The following MSRA variants were observed in gnomAD, a reference collection of about 807,000 sequenced individuals.
The protein encoded by MSRA is methionine sulfoxide reductase A.
MSRA carries 54 observed loss-of-function variants against 31.3 expected under a neutral mutation model. The observed-to-expected ratio is 1.73, with a 90% CI of 1.39 to 2.17. MSRA has a LOEUF of 2.17. Ranked by LOEUF, MSRA falls within the 30% of genes most tolerant of loss-of-function variation. The probability of loss-of-function intolerance (pLI) is 0.00; values close to 1 mark genes in which losing one functional copy is unlikely to be tolerated. For missense variants in MSRA, 507 were observed against 300.9 expected (o/e 1.69, Z -5.07); for synonymous variants, 169 against 116.5 (o/e 1.45, Z -2.90).
chr8:10,059,104 TATCTC>T (rs1336371709), intron 1 of MSRA: 1 of 152,160 alleles, frequency 6.6e-6, no homozygotes, highest in African/African-American at 2.4e-5. Flanking sequence ...ATAAAGGTGG[TATCTC>T]AAGTCAGTGG....
chr8:10,121,007 G>A (rs1182548313), intron 1 of MSRA, among the ~76,000 whole-genome samples: 2 of 152,092 alleles, frequency 1.3e-5, no homozygotes, highest in African/African-American at 2.4e-5. Flanking sequence ...AAAAGCTTTC[G>A]TTTGCGTTAA....
chr8:10,202,825 A>G (rs1808620278), intron 1 of MSRA, among the ~76,000 whole-genome samples: 1 of 152,226 alleles, frequency 6.6e-6, no homozygotes. Context: ...GTAAGTACAA[A>G]TGAGGAAACT....
chr8:10,333,815 C>T (rs372314081), intron 5 of MSRA, among the ~76,000 whole-genome samples: 4 of 152,098 alleles, frequency 2.6e-5, no homozygotes, highest in African/African-American at 7.2e-5. Flanking sequence ...CCCCACCCCC[C>T]CCACGCTGAG....
chr8:10,149,144 G>C (rs983303341), intron 1 of MSRA, among the ~76,000 whole-genome samples: 1 of 144,294 alleles, frequency 6.9e-6, no homozygotes, highest in African/African-American at 2.6e-5. Context: ...TTTTTTATTC[G>C]TAGTTTTGCT....
chr8:10,080,887 A>G (rs1798259547), intron 1 of MSRA, among the ~76,000 whole-genome samples: 1 of 152,132 alleles, frequency 6.6e-6, no homozygotes, highest in African/African-American at 2.4e-5. Context: ...TTTTCTTGCT[A>G]AAGACTAGTG....
intron 1 of MSRA, among the ~76,000 whole-genome samples, chr8:10,127,787 G>C: frequency 6.6e-6 from 1 of 152,294 alleles, no homozygotes; most frequent in South Asian, 2.1e-4. Context: ...GTTTGAATGA[G>C]TGCAAGTAAA....
chr8:10,226,380 G>T (rs879478695), intron 2 of MSRA, among the ~76,000 whole-genome samples: 10 of 152,170 alleles, frequency 6.6e-5, no homozygotes, highest in Non-Finnish European at 1.2e-4. Context: ...TCCCCTTGTG[G>T]CTGCAGATTG....
intron 2 of MSRA, among the ~76,000 whole-genome samples, chr8:10,208,550 T>G (rs887246843): frequency 1.2e-4 from 18 of 152,142 alleles, no homozygotes; most frequent in African/African-American, 4.3e-4. Context: ...CATGGCCCTT[T>G]CTTTGCCTGC....
Position 10,313,302 on chromosome 8 carries a change from C to T in MSRA, c.437-6581C>T, listed in dbSNP as rs181464239. Among the ~76,000 whole-genome samples, 27 of 152,272 alleles carry T rather than the reference C, an allele frequency of 1.8e-4. No homozygotes were observed. In the East Asian group the frequency reaches 5.0e-3, roughly 28 times the overall value. On this transcript the variant is annotated intron_variant, in intron 4 of 5. Coordinates refer to ENST00000317173, the MANE Select transcript of MSRA (RefSeq NM_012331.5). ...TGAAGGTGGTGAAGCTTCTGTCAGC[C>T]TAGGCCCCTGAAGAGTTCATGAAGT...
chr8:10,405,114 G>T (rs184267625), intron 5 of MSRA, among the ~76,000 whole-genome samples: 1 of 152,320 alleles, frequency 6.6e-6, no homozygotes, highest in East Asian at 1.9e-4. Context: ...GAGCCCAAGT[G>T]CACCGGAAGC....
At chr8:10,280,351 G>C (rs1799554537) in intron 3 of MSRA, among the ~76,000 whole-genome samples, 1 of 114,106 alleles carries the variant, frequency 8.8e-6, no homozygotes, top group Non-Finnish European at 1.8e-5. Flanking sequence ...TTTACTTTTT[G>C]CTCCTTTCTA....
chr8:10,330,292 C>G (rs1758404491), intron 5 of MSRA, among the ~76,000 whole-genome samples: 1 of 151,686 alleles, frequency 6.6e-6, no homozygotes, highest in Non-Finnish European at 1.5e-5. Context: ...GTTTTATGAT[C>G]CAGAAAATAG....
intron 5 of MSRA, among the ~76,000 whole-genome samples, chr8:10,416,114 C>T (rs1156978072): frequency 1.3e-5 from 2 of 152,156 alleles, no homozygotes; most frequent in Non-Finnish European, 2.9e-5. Context: ...TGGCACGGCA[C>T]CTGCTCACGC....
intron 1 of MSRA, among the ~76,000 whole-genome samples, chr8:10,064,959 G>A (rs993399287): frequency 6.6e-6 from 1 of 152,142 alleles, no homozygotes; most frequent in East Asian, 1.9e-4. Context: ...ACTGTTGTTA[G>A]CAGTTGAAAA....
intron 5 of MSRA, among the ~76,000 whole-genome samples, chr8:10,345,570 G>A (rs1167237515): frequency 1.3e-5 from 2 of 152,156 alleles, no homozygotes. Context: ...CTTCAAAGTG[G>A]TAGAGGACTA....
chr8:10,300,050 A>G (rs1302511177), intron 3 of MSRA, among the ~76,000 whole-genome samples: 1 of 152,146 alleles, frequency 6.6e-6, no homozygotes, highest in Non-Finnish European at 1.5e-5. Context: ...TAAAAGTTTT[A>G]GTGACATGGG....
intron 1 of MSRA, among the ~76,000 whole-genome samples, chr8:10,076,706 G>C (rs1382160325): frequency 6.6e-6 from 1 of 152,098 alleles, no homozygotes; most frequent in African/African-American, 2.4e-5. Context: ...ACCCACAGTG[G>C]TGGCTGGCTC....
At chr8:10,395,651 A>G (rs1480482062) in intron 5 of MSRA, among the ~76,000 whole-genome samples, 1 of 151,646 alleles carries the variant, frequency 6.6e-6, no homozygotes, top group Non-Finnish European at 1.5e-5. Flanking sequence ...TTTTGTCATC[A>G]CTCCTCTGTT....
At chr8:10,339,103 G>C (rs1701710195) in intron 5 of MSRA, among the ~76,000 whole-genome samples, 2 of 152,116 alleles carry the variant, frequency 1.3e-5, no homozygotes, top group Admixed American at 1.3e-4. Context: ...GAGATAAGTT[G>C]ACAGTGGCTG....
Sources: gnomAD v4.1 joint callset for allele counts (sites outside exome capture counted in the v4.1 genomes callset) on GRCh38, gnomAD v4.1.1 for gene constraint, MANE v1.5 for transcripts, NCBI Gene and HGNC (gene_info 2026-07-23, HGNC 2026-07-21) for gene names.